The following CCPG1 variants were observed in gnomAD, a reference collection of about 807,000 sequenced individuals.
The protein encoded by CCPG1 is cell cycle progression 1.
In CCPG1, 46 loss-of-function variants were observed where a neutral mutation model predicts 81.3. The observed-to-expected ratio is 0.57, with a 90% CI of 0.45 to 0.72. The LOEUF (loss-of-function observed/expected upper bound fraction) is 0.72. CCPG1 is among the 30% of genes least tolerant of loss of function. CCPG1 has a pLI of 0.00. For synonymous variants in CCPG1, 330 were observed against 305.2 expected (o/e 1.08, Z -0.85); for missense variants, 902 against 937.6 (o/e 0.96, Z 0.50).
intron 8 of CCPG1, 35 bp downstream of exon 8, chr15:55,359,504 A>C: frequency 6.5e-7 from 1 of 1,543,388 alleles, no homozygotes; most frequent in South Asian, 1.3e-5. Flanking sequence ...AAATGTTACA[A>C]ACTACTGTAA....
At chr15:55,379,954 G>C (rs965408627) in intron 3 of CCPG1, among the ~76,000 whole-genome samples, 1 of 151,696 alleles carries the variant, frequency 6.6e-6, no homozygotes, top group African/African-American at 2.4e-5. Flanking sequence ...CAAAAAATTA[G>C]CCAGGTGTGG....
intron 4 of CCPG1, 59 bp downstream of exon 4, chr15:55,378,241 T>C (rs910924966): frequency 6.7e-6 from 7 of 1,038,474 alleles, no homozygotes; most frequent in Non-Finnish European, 8.7e-6. Context: ...TTAGAGGCTT[T>C]AAATAGTATT....
intron 1 of CCPG1, among the ~76,000 whole-genome samples, chr15:55,390,293 GA>G (rs1469310156): frequency 6.6e-6 from 1 of 152,160 alleles, no homozygotes; most frequent in Non-Finnish European, 1.5e-5. Flanking sequence ...CAGGGGGGAA[GA>G]CACCAGAGGT....
intron 1 of CCPG1, among the ~76,000 whole-genome samples, chr15:55,403,427 G>A (rs1386807346): frequency 6.6e-6 from 1 of 151,394 alleles, no homozygotes; most frequent in Non-Finnish European, 1.5e-5. Context: ...AAGATTTCAG[G>A]CTTCCTGTGA....
At position 55,360,909 on chromosome 15, in the gene CCPG1, A is replaced by G; in HGVS notation, c.864T>C (p.Leu288=). Residue 288 remains leucine (L), a synonymous_variant, in exon 8 of 9, where the codon CTT becomes CTC. Coordinates refer to ENST00000442196, the MANE Select transcript of CCPG1 (RefSeq NM_001204450.2). ...LKENLARCWT[L]TEAEKMSFET... ...CAAAGGACATCTTCTCTGCTTCAGT[A>G]AGTGTCCAACACCTTGCAAGATTTT... 6.3e-7 allele frequency: 1 copy of G among 1,586,412 alleles called. No individual in the cohort carries two copies. The highest frequency in any genetic ancestry group is 8.5e-7 in the Non-Finnish European group (1 of 1,170,918).
intron 3 of CCPG1, among the ~76,000 whole-genome samples, chr15:55,384,527 C>T (rs1395789156): frequency 2.6e-5 from 4 of 152,024 alleles, no homozygotes; most frequent in Non-Finnish European, 4.4e-5. Flanking sequence ...GGCACGGTGG[C>T]GCATGCCTGT....
intron 2 of CCPG1, among the ~76,000 whole-genome samples, chr15:55,387,566 GAC>G (rs1469391634): frequency 1.3e-5 from 2 of 150,114 alleles, no homozygotes; most frequent in African/African-American, 4.9e-5. Context: ...CTTTTTTTGA[GAC>G]AGTTTCACTC....
In CCPG1 at chr15:55,359,627, C is replaced by T; in HGVS notation, c.2146G>A (p.Val716Ile). Reference sequence around the variant, plus strand: ...TTCTCAAATACTCCATCATTATCTACTTCATATTCCTTCATGTTTCTAAGA... The same window carrying T: ...TTCTCAAATACTCCATCATTATCTATTTCATATTCCTTCATGTTTCTAAGA... The part of the protein sequence containing the change: ...DYLRNMKEYE[V>I]DNDGVFEKLD... The change falls in exon 8 of 9, where the codon GTA becomes ATA. Residue 716 changes from valine to isoleucine, a missense_variant. Physicochemically the swap from Val to Ile is conservative, Grantham distance 29 (BLOSUM62 3). Coordinates refer to ENST00000442196, the MANE Select transcript of CCPG1 (RefSeq NM_001204450.2). 1.3e-6 allele frequency: 2 copies of T among 1,584,456 alleles called. No homozygotes were observed. The highest frequency in any genetic ancestry group is 1.7e-5 in the Admixed American group (1 of 59,922).
intron 3 of CCPG1, among the ~76,000 whole-genome samples, chr15:55,381,496 G>A (rs1472885178): frequency 6.6e-6 from 1 of 152,106 alleles, no homozygotes; most frequent in African/African-American, 2.4e-5. Context: ...GCATTTCTTG[G>A]AAGAAACTGT....
intron 1 of CCPG1, among the ~76,000 whole-genome samples, chr15:55,398,978 T>C (rs2057075297): frequency 6.6e-6 from 1 of 152,204 alleles, no homozygotes; most frequent in Non-Finnish European, 1.5e-5. Context: ...ATTCATTCTT[T>C]CAACATATGC....
In CCPG1 at chr15:55,402,355, G is replaced by C. The variant is rs532119267; in HGVS notation, c.-10+5866C>G. ...CGATCCTCCCACCTCAGCCTCCTGA[G>C]TAATTGGGACTACAGGTACACACCA... On this transcript the variant is annotated intron_variant, in intron 1 of 8. Transcript: ENST00000442196. Among the ~76,000 whole-genome samples the C allele has an allele frequency of 2.6e-5, 4 of 150,954 alleles. No individual in the cohort carries two copies. In the South Asian group the frequency reaches 8.3e-4, roughly 31 times the overall value.
Position 55,360,879 on chromosome 15 carries a change from A to G in CCPG1, c.894T>C (p.Thr298=). ...LTEAEKMSFE[T]QKTNLATENQ... ...TTTCTGTAGCAAGGTTCGTTTTCTG[A>G]GTTTCAAAGGACATCTTCTCTGCTT... Residue 298 remains threonine (T), a synonymous_variant, in exon 8 of 9, where the codon ACT becomes ACC. Transcript: ENST00000442196. The G allele has an allele frequency of 1.9e-6, 3 of 1,603,730 alleles. No homozygotes were observed. The South Asian group carries it at 3.4e-5, about 18-fold the overall frequency.
chr15:55,389,510 G>C lies in CCPG1; in HGVS notation c.-9-77C>G, dbSNP rs572361361. On this transcript the variant is annotated intron_variant, in intron 1 of 8. Coordinates refer to ENST00000442196, the MANE Select transcript of CCPG1 (RefSeq NM_001204450.2). ...TAGGAAGCACTATATGTGACACTAAGTTTGAAAAGTGGTTTACTGTCTTCC... is the reference window on the plus strand; with the variant it reads ...TAGGAAGCACTATATGTGACACTAACTTTGAAAAGTGGTTTACTGTCTTCC... 10 of 982,494 alleles carry C rather than the reference G, an allele frequency of 1.0e-5. No homozygotes were observed. In the African/African-American group the frequency reaches 1.4e-4, roughly 14 times the overall value. 60.9% of individuals were successfully genotyped at this position (982,494 alleles called of 1,614,324 possible).
intron 4 of CCPG1, 152 bp from the exon 5 acceptor site, chr15:55,377,302 G>A (rs1012316166): frequency 3.2e-6 from 2 of 628,836 alleles, no homozygotes; most frequent in African/African-American, 3.7e-5. Flanking sequence ...GCAATAGCAG[G>A]CTCATCATAT....
At chr15:55,369,177 T>A (rs1013487541) in intron 6 of CCPG1, among the ~76,000 whole-genome samples, 1 of 151,744 alleles carries the variant, frequency 6.6e-6, no homozygotes, top group African/African-American at 2.4e-5. Context: ...TTACGGTGAA[T>A]AGAAAATTCA....
intron 1 of CCPG1, among the ~76,000 whole-genome samples, chr15:55,404,390 C>T (rs777721107): frequency 7.9e-5 from 12 of 152,046 alleles, no homozygotes; most frequent in Non-Finnish European, 4.4e-5. Flanking sequence ...AACAATGTAG[C>T]CCTTTACAAC....
rs998186132 is a variant in CCPG1 at position 55,397,069 on chromosome 15, C to T, written c.-9-7636G>A. 2.6e-5 allele frequency among the ~76,000 whole-genome samples: 4 copies of T among 152,242 alleles called. No homozygotes were observed. In the East Asian group the frequency reaches 7.7e-4, roughly 29 times the overall value. ...CACAAAAAATTAGCCGGGCGATTAG[C>T]CGGGCGTGGTAGCGGGCGCCTGTAG... On this transcript the variant is annotated intron_variant, in intron 1 of 8. Coordinates refer to ENST00000442196, the MANE Select transcript of CCPG1 (RefSeq NM_001204450.2).
At chr15:55,389,720 C>A (rs1420748970) in intron 1 of CCPG1, among the ~76,000 whole-genome samples, 1 of 152,070 alleles carries the variant, frequency 6.6e-6, no homozygotes, top group Non-Finnish European at 1.5e-5. Context: ...TAGCATTTGG[C>A]CAGACAGAGG....
rs764568330 is a variant in CCPG1, at chr15:55,360,719, G to A, written c.1054C>T (p.Gln352Ter). The A allele has an allele frequency of 2.5e-6, 4 of 1,611,830 alleles. No individual in the cohort carries two copies. Among genetic ancestry groups the A allele is most frequent in the Non-Finnish European group, 3.4e-6 (4 of 1,179,510 alleles). ...TCTTCCAAATGCTGCTTAAGTTTCT[G>A]ATTTTCTTTAACTAATTCAGTACTT... ...GTSTELVKEN[Q>*]KLKQHLEEEK... Residue 352 changes from glutamine to a stop codon, truncating the protein, a stop_gained, in exon 8 of 9, where the codon CAG becomes TAG. Coordinates refer to ENST00000442196, the MANE Select transcript of CCPG1 (RefSeq NM_001204450.2). LOFTEE classifies it high-confidence loss of function.
Sources: gnomAD v4.1 joint callset for allele counts (sites outside exome capture counted in the v4.1 genomes callset) on GRCh38, gnomAD v4.1.1 for gene constraint, MANE v1.5 for transcripts, NCBI Gene and HGNC (gene_info 2026-07-23, HGNC 2026-07-21) for gene names.